Variants in CPAMD8 observed in about 807,000 individuals in gnomAD.
CPAMD8 encodes the protein C3 and PZP-like alpha-2-macroglobulin domain-containing protein 8.
CPAMD8 carries 146 observed loss-of-function variants against 224.7 expected under a neutral mutation model. The ratio of observed to expected loss-of-function variants is 0.65; its 90% confidence interval spans 0.57 to 0.75. The LOEUF is 0.75. CPAMD8 is among the 30% of genes least tolerant of loss of function. CPAMD8 has a pLI of 0.00. For synonymous variants in CPAMD8, 966 were observed against 1,044.6 expected (o/e 0.92, Z 1.45); for missense variants, 2,301 against 2,537.5 (o/e 0.91, Z 2.00).
chr19:16,986,912 T>C (rs1599851226), intron 13 of CPAMD8, among the ~76,000 whole-genome samples: 1 of 151,706 alleles, frequency 6.6e-6, no homozygotes. Context: ...TCCCAACACT[T>C]TGGGAGGCCG....
intron 19 of CPAMD8, among the ~76,000 whole-genome samples, chr19:16,953,009 C>T (rs1159794561): frequency 1.3e-5 from 2 of 152,068 alleles, no homozygotes; most frequent in Non-Finnish European, 2.9e-5. Flanking sequence ...GTGTTACTGG[C>T]ATAAAGACAG....
Position 17,008,516 on chromosome 19 carries a change from G to T in CPAMD8, c.548C>A (p.Pro183Gln), listed in dbSNP as rs758310062. ...AGGAAGAAACTTACCGCAGCAGAAC[G>T]GCTTTAAGTGTCTCCACTCTATCAT... ...SRMIEWRHLK[P>Q]FCCGITNMSF... is the part of the protein sequence containing the mutation. Residue 183 changes from proline (P) to glutamine (Q), a missense_variant, in exon 7 of 42, where the codon CCG becomes CAG. By Grantham distance (76) the Pro-to-Gln change is moderately conservative. This residue lies in a region of CPAMD8 where 283 missense variants were observed against 340.6 expected (regional missense o/e 0.83). Coordinates refer to ENST00000443236, the MANE Select transcript of CPAMD8 (RefSeq NM_015692.5). The T allele has an allele frequency of 1.2e-6, 2 of 1,613,248 alleles. No individual in the cohort carries two copies.
intron 11 of CPAMD8, among the ~76,000 whole-genome samples, chr19:16,995,844 A>G (rs1195439653): frequency 6.6e-6 from 1 of 152,090 alleles, no homozygotes; most frequent in African/African-American, 2.4e-5. Context: ...GCAAGATCCC[A>G]TCTCTACAAA....
rs141792759 is a variant in CPAMD8, at chr19:16,987,326, T to C, written c.1395+2317A>G. On this transcript the variant is annotated intron_variant, in intron 13 of 41. Coordinates refer to ENST00000443236, the MANE Select transcript of CPAMD8 (RefSeq NM_015692.5). ...AGGTTTGAACTGCCCACAACACTGA[T>C]GTGTGGATTTTCTTCCACCTCTGCC... 5.9e-5 allele frequency among the ~76,000 whole-genome samples: 9 copies of C among 151,358 alleles called. No individual in the cohort carries two copies. The East Asian group carries it at 1.7e-3, about 29-fold the overall frequency.
chr19:16,894,044 C>A, intron 41 of CPAMD8: 1 of 170,526 alleles, frequency 5.9e-6, no homozygotes, highest in Non-Finnish European at 1.3e-5. Flanking sequence ...CGAGTGCTTT[C>A]TGGGAATGTT....
chr19:16,964,089 A>G (rs2054743313), intron 18 of CPAMD8, among the ~76,000 whole-genome samples: 1 of 152,250 alleles, frequency 6.6e-6, no homozygotes, highest in African/African-American at 2.4e-5. Context: ...AGAAAGCAGG[A>G]AAGATCTAAA....
chr19:16,942,602 A>G (rs534662014), intron 22 of CPAMD8, among the ~76,000 whole-genome samples: 1 of 152,326 alleles, frequency 6.6e-6, no homozygotes, highest in African/African-American at 2.4e-5. Flanking sequence ...CTGGGCACAA[A>G]TCCAGGGGCC....
Position 16,980,790 on chromosome 19 carries a change from G to A in CPAMD8, c.1396-104C>T, listed in dbSNP as rs1016945101. 28 of 881,900 alleles carry A rather than the reference G, an allele frequency of 3.2e-5. No individual in the cohort carries two copies. In the African/African-American group the frequency reaches 4.9e-4, roughly 15 times the overall value. 54.6% of individuals were successfully genotyped at this position (881,900 alleles called of 1,614,324 possible). A position where few individuals can be genotyped will look rare whatever the true frequency, so the allele number is the denominator to read the frequency against. The stretch of plus-strand genomic sequence containing the variant: ...GCCAGAGGGAGGTTGGGATGGCTGA[G>A]GGAGCGGAGTGCCCAGCATCCAGTC... On this transcript the variant is annotated intron_variant, in intron 13 of 41. Transcript: ENST00000443236.
chr19:16,904,176 A>ACCG, intron 32 of CPAMD8, 50 bp downstream of exon 32: 21 of 937,338 alleles, frequency 2.2e-5, no homozygotes, highest in Non-Finnish European at 3.2e-5. Flanking sequence ...GACTGCAGGG[A>ACCG]CCCCACCCAC....
chr19:16,975,155 C>G lies in CPAMD8; in HGVS notation c.2012G>C (p.Arg671Pro). The G allele has an allele frequency of 5.6e-6, 9 of 1,612,658 alleles. No individual in the cohort carries two copies. The highest frequency in any genetic ancestry group is 6.8e-6 in the Non-Finnish European group (8 of 1,179,526). ...CCAAGGCCACGGGAAGACAGAGGAG[C>G]GCCGGCGTCGTTGTGCCGTCAGCCC... ...WAGLTAQRRR[R>P]SSVFPWPWGI... is the part of the protein sequence containing the mutation. The change falls in exon 17 of 42, where the codon CGC (arginine) becomes CCC (proline). Residue 671 changes from arginine to proline, a missense_variant. Coordinates refer to ENST00000443236, the MANE Select transcript of CPAMD8 (RefSeq NM_015692.5).
intron 25 of CPAMD8, among the ~76,000 whole-genome samples, chr19:16,927,445 A>G (rs536557461): frequency 6.6e-6 from 1 of 152,018 alleles, no homozygotes; most frequent in Non-Finnish European, 1.5e-5. Context: ...TAAATTACCC[A>G]GTCTTGGGTA....
chr19:16,951,605 A>G (rs1366248439), intron 20 of CPAMD8, among the ~76,000 whole-genome samples: 1 of 152,108 alleles, frequency 6.6e-6, no homozygotes, highest in Non-Finnish European at 1.5e-5. Context: ...ATGCTATCAT[A>G]TATGATACCA....
chr19:17,016,393 T>C (rs1206069290), intron 3 of CPAMD8, among the ~76,000 whole-genome samples: 1 of 152,188 alleles, frequency 6.6e-6, no homozygotes, highest in Non-Finnish European at 1.5e-5. Flanking sequence ...AAGAGTGTCT[T>C]CTAACGTGTG....
intron 13 of CPAMD8, among the ~76,000 whole-genome samples, chr19:16,984,096 T>TG (rs1393072248): frequency 6.6e-6 from 1 of 152,002 alleles, no homozygotes; most frequent in Non-Finnish European, 1.5e-5. Flanking sequence ...GACCATTCAA[T>TG]GGGGAAAGCA....
chr19:17,005,092 T>C (rs549459293), intron 7 of CPAMD8, among the ~76,000 whole-genome samples: 1 of 151,828 alleles, frequency 6.6e-6, no homozygotes, highest in African/African-American at 2.4e-5. Flanking sequence ...TCCTGTAAAC[T>C]GAGGGGTGCT....
At chr19:16,940,779 C>A (rs1284337617) in intron 22 of CPAMD8, among the ~76,000 whole-genome samples, 3 of 152,136 alleles carry the variant, frequency 2.0e-5, no homozygotes, top group Non-Finnish European at 4.4e-5. Context: ...CGATGTGGCA[C>A]CCACGGGTCA....
intron 3 of CPAMD8, among the ~76,000 whole-genome samples, chr19:17,018,046 A>AT (rs1168708303): frequency 1.3e-5 from 2 of 148,804 alleles, no homozygotes; most frequent in African/African-American, 4.9e-5. Flanking sequence ...AAAAAAAAAA[A>AT]GTAAGGCAGG....
At chr19:17,005,332 A>T (rs2056456600) in intron 7 of CPAMD8, among the ~76,000 whole-genome samples, 2 of 152,066 alleles carry the variant, frequency 1.3e-5, no homozygotes, top group African/African-American at 4.8e-5. Flanking sequence ...ACAAGCCAAA[A>T]TGTCCCCAGA....
chr19:16,915,631 G>T (rs1016430539), intron 27 of CPAMD8, among the ~76,000 whole-genome samples: 15 of 152,322 alleles, frequency 9.8e-5, no homozygotes, highest in African/African-American at 2.9e-4. Context: ...GGGAATGAAT[G>T]CATGAACAAA....
Sources: gnomAD v4.1 joint callset for allele counts (sites outside exome capture counted in the v4.1 genomes callset) on GRCh38, gnomAD v4.1.1 for gene constraint, gnomAD v4.1.1 regional missense constraint, MANE v1.5 for transcripts, NCBI Gene and HGNC (gene_info 2026-07-23, HGNC 2026-07-21) for gene names.